KAZN: variants seen among roughly 807,000 people sequenced by gnomAD.
The protein encoded by KAZN is kazrin, periplakin interacting protein, also known as kazrin.
KAZN carries 40 observed loss-of-function variants against 87.4 expected under a neutral mutation model. The ratio of observed to expected loss-of-function variants is 0.46; its 90% confidence interval spans 0.36 to 0.60. The LOEUF is 0.60. Ranked by LOEUF, KAZN falls within the 20% of genes least tolerant of loss-of-function variation. The pLI, the probability that KAZN is intolerant of heterozygous loss-of-function variation, is 0.00. For synonymous variants in KAZN, 466 were observed against 458.3 expected, an observed-to-expected ratio of 1.02 and a Z score of -0.22; for missense variants, 898 against 1,073.9, an observed-to-expected ratio of 0.84 and a Z score of 2.29.
chr1:14,934,283 C>A (rs1660190250), intron 1 of KAZN, among the ~76,000 whole-genome samples: 1 of 151,756 alleles, frequency 6.6e-6, no homozygotes, highest in Admixed American at 6.6e-5. Context: ...TCTTGGCTCA[C>A]TGCAACCTCC....
In KAZN at chr1:14,773,400, C is replaced by G. The variant is rs188744141; in HGVS notation, c.226+174177C>G. Among the ~76,000 whole-genome samples, 1 of 152,130 alleles carries G rather than the reference C, an allele frequency of 6.6e-6. No homozygotes were observed. Among genetic ancestry groups the G allele is most frequent in the Non-Finnish European group, 1.5e-5 (1 of 68,026 alleles). The stretch of plus-strand genomic sequence containing the variant: ...GCTTTCAACAACGCCCTCCACTCCA[C>G]GGGGTCTCCCTTCTTGTAGCATTTT... On this transcript the variant is annotated intron_variant, in intron 1 of 14. Coordinates refer to ENST00000376030, the MANE Select transcript of KAZN (RefSeq NM_201628.3). This position sits in a 1 kb window ranked among gnomAD's most constrained non-coding sequence, Gnocchi z 5.9.
chr1:14,274,586 T>A (rs1452323344), intron 2 of KAZN, among the ~76,000 whole-genome samples: 1 of 152,212 alleles, frequency 6.6e-6, no homozygotes, highest in Non-Finnish European at 1.5e-5. Context: ...TATAAAACAC[T>A]GTGCACAATT....
chr1:14,513,002 A>G (rs929822726), intron 2 of KAZN, among the ~76,000 whole-genome samples: 17 of 152,212 alleles, frequency 1.1e-4, no homozygotes, highest in Non-Finnish European at 2.2e-4. Flanking sequence ...CAGCCCAAGT[A>G]ACAAAAAGGG....
chr1:14,466,225 C>T (rs1014523059), intron 2 of KAZN, among the ~76,000 whole-genome samples: 3 of 152,138 alleles, frequency 2.0e-5, no homozygotes, highest in Non-Finnish European at 2.9e-5. Flanking sequence ...GAAGAGAGAG[C>T]TCACTCTACA....
intron 1 of KAZN, among the ~76,000 whole-genome samples, chr1:14,658,566 CT>C (rs1482141374): frequency 6.6e-6 from 1 of 152,064 alleles, no homozygotes; most frequent in Non-Finnish European, 1.5e-5. Context: ...ACATCAAAGT[CT>C]TTTGAGAATC....
Position 14,759,379 on chromosome 1 carries a change from A to AAAT in KAZN, c.226+160157_226+160159dup, listed in dbSNP as rs1397427601. On this transcript the variant is annotated intron_variant, in intron 1 of 14. Transcript: ENST00000376030. Reference sequence around the variant, plus strand: ...TTTGATTTATTACTGTTGGAAGAAGAAATTCTTTATCTCCCACCCCCTGTT... The same window carrying AAAT: ...TTTGATTTATTACTGTTGGAAGAAGAAATAATTCTTTATCTCCCACCCCCTGTT... Among the ~76,000 whole-genome samples the AAAT allele has an allele frequency of 2.6e-5, 4 of 152,184 alleles. 1 individual carries two copies. Among genetic ancestry groups the AAAT allele is most frequent in the African/African-American group, 4.8e-5 (2 of 41,432 alleles).
chr1:14,995,993 C>G (rs1667824104), intron 2 of KAZN, among the ~76,000 whole-genome samples: 1 of 152,170 alleles, frequency 6.6e-6, no homozygotes, highest in Admixed American at 6.5e-5. Flanking sequence ...CAACAGTCAG[C>G]TGGACCCAAG....
intron 2 of KAZN, among the ~76,000 whole-genome samples, chr1:14,516,152 G>A (rs1341097369): frequency 2.6e-5 from 4 of 152,162 alleles, no homozygotes; most frequent in Admixed American, 6.5e-5. Flanking sequence ...AAAAACAGCA[G>A]GATTTAGTCT....
At chr1:14,304,879 G>A (rs114030116) in intron 2 of KAZN, among the ~76,000 whole-genome samples, 67 of 151,892 alleles carry the variant, frequency 4.4e-4, no homozygotes, top group African/African-American at 1.4e-3. Flanking sequence ...GGACTGTGTC[G>A]TCTTTCATCA....
At chr1:15,042,346 C>T (rs955035601) in intron 3 of KAZN, among the ~76,000 whole-genome samples, 2 of 152,118 alleles carry the variant, frequency 1.3e-5, no homozygotes, top group African/African-American at 4.8e-5. Context: ...TTGTACCAGA[C>T]AAATATCCAC....
intron 13 of KAZN, among the ~76,000 whole-genome samples, chr1:15,110,549 T>TGTGTG: frequency 6.8e-6 from 1 of 148,078 alleles, no homozygotes; most frequent in African/African-American, 2.6e-5. Flanking sequence ...GCATATGTGT[T>TGTGTG]TGTGTGTGTG....
Position 14,219,397 on chromosome 1 carries a change from T to C in KAZN, c.249+38805T>C, listed in dbSNP as rs1647041754. Among the ~76,000 whole-genome samples, 4 of 152,198 alleles carry C rather than the reference T, an allele frequency of 2.6e-5. No homozygotes were observed. The South Asian group carries it at 8.3e-4, about 31-fold the overall frequency. ...TTGACCTTATAATAGTTTATTAAAC[T>C]AAGCATTTATTTAATGCAGTTTTTT... On this transcript the variant is annotated intron_variant, in intron 2 of 16. Transcript: ENST00000636203.
At chr1:14,553,315 C>A (rs61771941) in intron 2 of KAZN, among the ~76,000 whole-genome samples, 2 of 151,990 alleles carry the variant, frequency 1.3e-5, no homozygotes, top group African/African-American at 2.4e-5. Context: ...GAGCCAAGAT[C>A]GCGCCACTGC....
chr1:14,577,595 T>C (rs1675270827), intron 2 of KAZN, among the ~76,000 whole-genome samples: 1 of 152,174 alleles, frequency 6.6e-6, no homozygotes. Flanking sequence ...AACCAGCCCT[T>C]CAGCTGCTAG....
chr1:13,975,012 T>C (rs888985310), intron 1 of KAZN, among the ~76,000 whole-genome samples: 2 of 152,242 alleles, frequency 1.3e-5, no homozygotes, highest in Non-Finnish European at 2.9e-5. Context: ...GTTTTCTAGT[T>C]GTTCATTTAA....
chr1:14,505,125 G>A (rs773532480), intron 2 of KAZN, among the ~76,000 whole-genome samples: 9 of 152,104 alleles, frequency 5.9e-5, no homozygotes, highest in Non-Finnish European at 1.3e-4. Flanking sequence ...TGGCCACCTC[G>A]AATAACTCCC....
chr1:14,404,852 C>G (rs1399064270), intron 2 of KAZN, among the ~76,000 whole-genome samples: 1 of 152,140 alleles, frequency 6.6e-6, no homozygotes, highest in African/African-American at 2.4e-5. Flanking sequence ...ACTTAAAGAA[C>G]ACTCAATAAA....
At position 14,973,325 on chromosome 1, in the gene KAZN, A is replaced by G. The variant is rs112787684; in HGVS notation, c.418+12450A>G. Among the ~76,000 whole-genome samples the G allele has an allele frequency of 4.1e-3, 618 of 152,320 alleles. 3 individuals carry two copies. Among genetic ancestry groups the G allele is most frequent in the Middle Eastern group, 0.02 (6 of 294 alleles). On this transcript the variant is annotated intron_variant, in intron 2 of 14. Coordinates refer to ENST00000376030, the MANE Select transcript of KAZN (RefSeq NM_201628.3). ...TGTTAGGAATAACGCTCAAAATCCT[A>G]AGGAAACTGAACACTCAAACAAAGG...
At chr1:14,373,699 A>G (rs1425455819) in intron 2 of KAZN, among the ~76,000 whole-genome samples, 2 of 152,184 alleles carry the variant, frequency 1.3e-5, no homozygotes, top group Non-Finnish European at 2.9e-5. Context: ...AGGGAAAGGG[A>G]TGCATTCCAC....
Sources: gnomAD v4.1 joint callset for allele counts (sites outside exome capture counted in the v4.1 genomes callset) on GRCh38, gnomAD v4.1.1 for gene constraint, Gnocchi (gnomAD v3.1) non-coding constraint, MANE v1.5 for transcripts, NCBI Gene and HGNC (gene_info 2026-07-23, HGNC 2026-07-21) for gene names.